Variants in CACNB4 observed in about 807,000 individuals in gnomAD.
CACNB4 encodes voltage-dependent L-type calcium channel subunit beta-4.
In CACNB4, 32 loss-of-function variants were observed where a neutral mutation model predicts 71.2. The observed-to-expected ratio is 0.45, with a 90% CI of 0.34 to 0.60. The LOEUF (loss-of-function observed/expected upper bound fraction) is 0.60, where lower values mean the gene tolerates loss of function less well. Among genes scored for constraint, CACNB4 ranks in the 20% least tolerant of loss-of-function variants. CACNB4 has a pLI of 0.01. For missense variants in CACNB4, 464 were observed against 647.9 expected, an observed-to-expected ratio of 0.72 and a Z score of 3.08; for synonymous variants, 231 against 236.9, an observed-to-expected ratio of 0.97 and a Z score of 0.23.
At chr2:151,875,032 T>A (rs1055668136) in intron 5 of CACNB4, 2 of 399,634 alleles carry the variant, frequency 5.0e-6, no homozygotes, top group Non-Finnish European at 8.8e-6. Flanking sequence ...TTTTTTTTTT[T>A]ATTGATCATT....
At chr2:151,998,918 C>T (rs1234453547) in intron 2 of CACNB4, among the ~76,000 whole-genome samples, 1 of 152,144 alleles carries the variant, frequency 6.6e-6, no homozygotes, top group African/African-American at 2.4e-5. Flanking sequence ...AAAAGCTTTC[C>T]CCTGGAGCTT....
At chr2:152,047,755 T>C (rs1356680974) in intron 2 of CACNB4, among the ~76,000 whole-genome samples, 1 of 152,054 alleles carries the variant, frequency 6.6e-6, no homozygotes, top group East Asian at 1.9e-4. Flanking sequence ...AAAAATTAGC[T>C]GGGCATGGTG....
At chr2:151,961,685 G>A (rs2099869685) in intron 2 of CACNB4, among the ~76,000 whole-genome samples, 1 of 152,040 alleles carries the variant, frequency 6.6e-6, no homozygotes, top group Non-Finnish European at 1.5e-5. Flanking sequence ...GAGCCCAGGA[G>A]TACGAGATCA....
At chr2:151,959,543 A>G (rs1487183061) in intron 2 of CACNB4, among the ~76,000 whole-genome samples, 1 of 152,246 alleles carries the variant, frequency 6.6e-6, no homozygotes, top group Non-Finnish European at 1.5e-5. Context: ...CAAATGAAAA[A>G]TGTAACAACT....
At chr2:152,042,851 C>T (rs1684947616) in intron 2 of CACNB4, among the ~76,000 whole-genome samples, 1 of 152,120 alleles carries the variant, frequency 6.6e-6, no homozygotes. Context: ...GCACAAGATA[C>T]AGGTCACAAA....
chr2:151,844,977 T>G (rs1466499695), intron 12 of CACNB4, among the ~76,000 whole-genome samples: 4 of 152,182 alleles, frequency 2.6e-5, no homozygotes, highest in African/African-American at 4.8e-5. Flanking sequence ...TGAAAAACCT[T>G]CCAAGGATAC....
chr2:151,848,479 G>C (rs1444263128), intron 12 of CACNB4, among the ~76,000 whole-genome samples: 1 of 152,218 alleles, frequency 6.6e-6, no homozygotes, highest in African/African-American at 2.4e-5. Flanking sequence ...GAAGAGGGCA[G>C]TGGAAAATTA....
At chr2:151,905,800 C>T (rs2099854658) in intron 2 of CACNB4, among the ~76,000 whole-genome samples, 1 of 152,200 alleles carries the variant, frequency 6.6e-6, no homozygotes, top group African/African-American at 2.4e-5. Flanking sequence ...TATTCACTGA[C>T]AAGAAATGGG....
chr2:152,044,397 T>G (rs1685035295), intron 2 of CACNB4, among the ~76,000 whole-genome samples: 1 of 152,028 alleles, frequency 6.6e-6, no homozygotes, highest in African/African-American at 2.4e-5. Context: ...ATTTTTGTAT[T>G]TTAGTAGAGA....
At chr2:152,019,489 T>C (rs758941408) in intron 2 of CACNB4, among the ~76,000 whole-genome samples, 1 of 152,104 alleles carries the variant, frequency 6.6e-6, no homozygotes, top group South Asian at 2.1e-4. Context: ...ACATGTTTAA[T>C]TGGTGAATGA....
chr2:151,864,591 G>C (rs1318027168), intron 9 of CACNB4, among the ~76,000 whole-genome samples: 11 of 152,150 alleles, frequency 7.2e-5, no homozygotes, highest in African/African-American at 2.7e-4. Flanking sequence ...TCCGAAGAAT[G>C]CAACAGTGCA....
chr2:152,000,868 G>A (rs544908948), intron 2 of CACNB4, among the ~76,000 whole-genome samples: 12 of 152,138 alleles, frequency 7.9e-5, no homozygotes, highest in African/African-American at 2.9e-4. Context: ...AGAAAAGTGC[G>A]CGGGCTCTTG....
chr2:152,071,700 T>C (rs947471480), intron 2 of CACNB4, among the ~76,000 whole-genome samples: 2 of 152,230 alleles, frequency 1.3e-5, no homozygotes, highest in Non-Finnish European at 2.9e-5. Flanking sequence ...GAAAACAAAA[T>C]TAGAATTATG....
intron 2 of CACNB4, among the ~76,000 whole-genome samples, chr2:152,049,708 A>C (rs1347530287): frequency 6.6e-6 from 1 of 152,222 alleles, no homozygotes; most frequent in Admixed American, 6.5e-5. Context: ...AATCTACAGA[A>C]AGAAAGAAAG....
chr2:151,854,129 GT>G (rs981464994), intron 11 of CACNB4: 1 of 152,364 alleles, frequency 6.6e-6, no homozygotes, highest in African/African-American at 2.4e-5. Flanking sequence ...GCCATGTCCC[GT>G]GGCCCTTCCC....
chr2:152,058,938 A>C (rs1023273133), intron 2 of CACNB4, among the ~76,000 whole-genome samples: 1 of 152,236 alleles, frequency 6.6e-6, no homozygotes, highest in Non-Finnish European at 1.5e-5. Context: ...TGTGGCTAAA[A>C]GGGGCGAAGG....
rs182030796 is a variant in CACNB4, at chr2:152,048,133, G to T, written c.147+50197C>A. Among the ~76,000 whole-genome samples the T allele has an allele frequency of 7.3e-4, 111 of 152,160 alleles. 2 individuals are homozygous for T. The highest frequency in any genetic ancestry group is 1.4e-3 in the Non-Finnish European group (96 of 68,012). On this transcript the variant is annotated intron_variant, in intron 2 of 13. Coordinates refer to ENST00000539935, the MANE Select transcript of CACNB4 (RefSeq NM_000726.5). Reference sequence around the variant, plus strand: ...GGACCAGATGACTCTTTGTTATGGTGGGCTGTCTGTGCATTGGAGAATGTC... The same window carrying T: ...GGACCAGATGACTCTTTGTTATGGTTGGCTGTCTGTGCATTGGAGAATGTC...
intron 2 of CACNB4, among the ~76,000 whole-genome samples, chr2:151,892,467 C>G (rs1210265960): frequency 2.6e-5 from 4 of 152,048 alleles, no homozygotes; most frequent in Admixed American, 1.3e-4. Flanking sequence ...ACTTGAGCCT[C>G]GCCCATGTCA....
rs984932780 is a variant in CACNB4, at chr2:151,836,448, C to T, written c.*2671G>A. 5.9e-5 allele frequency: 9 copies of T among 151,610 alleles called. No individual in the cohort carries two copies. Among genetic ancestry groups the T allele is most frequent in the Admixed American group, 2.0e-4 (3 of 15,240 alleles). The allele number at this position is 151,610 out of a possible 1,614,324, so 9.4% of individuals were successfully genotyped here. ...TCATTTACACAATAAACTCTTAAGT[C>T]TTTAAAAAAAATAAGATGTATATCC... On this transcript the variant is annotated 3_prime_UTR_variant, in exon 14 of 14. Transcript: ENST00000539935.
Sources: gnomAD v4.1 joint callset for allele counts (sites outside exome capture counted in the v4.1 genomes callset) on GRCh38, gnomAD v4.1.1 for gene constraint, MANE v1.5 for transcripts, NCBI Gene and HGNC (gene_info 2026-07-23, HGNC 2026-07-21) for gene names.